The following DOCK3 variants were observed in gnomAD, a reference collection of about 807,000 sequenced individuals.
DOCK3 encodes dedicator of cytokinesis 3.
Under a neutral mutation model 265.6 loss-of-function variants are expected in DOCK3, and 60 were observed. The ratio of observed to expected loss-of-function variants is 0.23; its 90% CI spans 0.18 to 0.28. DOCK3 has a LOEUF of 0.28. DOCK3 is among the 10% of genes least tolerant of loss of function. The probability of loss-of-function intolerance (pLI) is 1.00; values close to 1 mark genes in which losing one functional copy is unlikely to be tolerated. For synonymous variants in DOCK3, 881 were observed against 938.0 expected (o/e 0.94, Z 1.11); for missense variants, 1,981 against 2,594.3 (o/e 0.76, Z 5.14).
chr3:51,249,882 G>C (rs1425212310), intron 22 of DOCK3, among the ~76,000 whole-genome samples: 1 of 148,138 alleles, frequency 6.8e-6, no homozygotes, highest in African/African-American at 2.5e-5. Flanking sequence ...TGCCGTGTCT[G>C]TGTAGAAAGA....
chr3:51,352,411 A>G (rs2086056012), intron 40 of DOCK3, among the ~76,000 whole-genome samples: 1 of 152,214 alleles, frequency 6.6e-6, no homozygotes, highest in Non-Finnish European at 1.5e-5. Flanking sequence ...CTCATGTCAC[A>G]GGACACATTA....
chr3:50,949,003 T>C, intron 5 of DOCK3, among the ~76,000 whole-genome samples: 1 of 152,130 alleles, frequency 6.6e-6, no homozygotes, highest in Non-Finnish European at 1.5e-5. Context: ...GAAAAGGAAG[T>C]CTTTTTAACA....
At chr3:51,349,841 G>T (rs2085856133) in intron 39 of DOCK3, among the ~76,000 whole-genome samples, 1 of 152,196 alleles carries the variant, frequency 6.6e-6, no homozygotes, top group South Asian at 2.1e-4. Flanking sequence ...ACAAGAGTTG[G>T]ACTGATGCAA....
chr3:50,953,993 C>T (rs1384723628), intron 5 of DOCK3, among the ~76,000 whole-genome samples: 2 of 151,976 alleles, frequency 1.3e-5, no homozygotes, highest in East Asian at 1.9e-4. Flanking sequence ...GTATTAAGTA[C>T]GTTCACATTG....
chr3:51,037,134 A>G (rs1402281895), intron 5 of DOCK3, among the ~76,000 whole-genome samples: 1 of 152,154 alleles, frequency 6.6e-6, no homozygotes, highest in Non-Finnish European at 1.5e-5. Flanking sequence ...TTTAAATGAT[A>G]AAATATACAT....
intron 4 of DOCK3, among the ~76,000 whole-genome samples, chr3:50,922,755 C>CTT (rs34981827): frequency 6.0e-4 from 85 of 141,100 alleles, no homozygotes; most frequent in South Asian, 3.0e-3. Flanking sequence ...TATTTTTAGT[C>CTT]TTTTTTTTTT....
intron 5 of DOCK3, among the ~76,000 whole-genome samples, chr3:50,952,982 G>A (rs2076632979): frequency 6.6e-6 from 1 of 152,012 alleles, no homozygotes; most frequent in African/African-American, 2.4e-5. Flanking sequence ...TAAGATTTTT[G>A]CTAATTGCTT....
intron 12 of DOCK3, among the ~76,000 whole-genome samples, chr3:51,183,425 TG>T (rs1560174181): frequency 6.7e-6 from 1 of 149,930 alleles, no homozygotes; most frequent in East Asian, 2.0e-4. Flanking sequence ...TGGTTGGGGG[TG>T]GGGGGAAGAG....
chr3:51,297,583 C>G (rs964629482), intron 27 of DOCK3, among the ~76,000 whole-genome samples: 4 of 152,044 alleles, frequency 2.6e-5, no homozygotes, highest in Non-Finnish European at 4.4e-5. Flanking sequence ...AAAAGATACT[C>G]CACATTATTA....
At chr3:51,364,956 GGCAAT>G (rs1442079354) in intron 49 of DOCK3, among the ~76,000 whole-genome samples, 3 of 152,158 alleles carry the variant, frequency 2.0e-5, no homozygotes, top group African/African-American at 7.2e-5. Context: ...GGATTGTCTT[GGCAAT>G]GCAGGCTCTT....
intron 1 of DOCK3, among the ~76,000 whole-genome samples, chr3:50,684,000 A>G (rs2034606132): frequency 6.6e-6 from 1 of 151,966 alleles, no homozygotes; most frequent in African/African-American, 2.4e-5. Flanking sequence ...TATGCTGGAC[A>G]ACTCACCCTT....
At chr3:51,208,368 A>G (rs550551574) in intron 12 of DOCK3, among the ~76,000 whole-genome samples, 2 of 152,338 alleles carry the variant, frequency 1.3e-5, no homozygotes, top group East Asian at 3.9e-4. Flanking sequence ...GTATGACAGT[A>G]AAAAACCAAT....
At chr3:50,757,257 G>A (rs996125481) in intron 1 of DOCK3, among the ~76,000 whole-genome samples, 5 of 132,458 alleles carry the variant, frequency 3.8e-5, no homozygotes, top group South Asian at 2.6e-4. Context: ...TGCAGCTTCC[G>A]CCTCCTGGGT....
At chr3:51,259,553 C>A (rs914212643) in intron 22 of DOCK3, among the ~76,000 whole-genome samples, 7 of 152,144 alleles carry the variant, frequency 4.6e-5, no homozygotes, top group Non-Finnish European at 7.3e-5. Flanking sequence ...TTATGAACTG[C>A]TTATAGCAGA....
intron 3 of DOCK3, among the ~76,000 whole-genome samples, chr3:50,851,177 A>T (rs913934055): frequency 6.6e-5 from 10 of 151,990 alleles, no homozygotes; most frequent in Non-Finnish European, 1.5e-4. Context: ...GGTGGCCTAA[A>T]CTCCTAATCC....
intron 38 of DOCK3, 57 bp from the exon 39 acceptor site, chr3:51,348,795 G>A (rs2085767831): frequency 1.3e-6 from 2 of 1,506,680 alleles, no homozygotes; most frequent in South Asian, 2.4e-5. Flanking sequence ...TGTTTAATGT[G>A]GGCTTAGGCT....
In DOCK3 at chr3:51,101,196, C is replaced by CT. The variant is rs530713003; in HGVS notation, c.746+10813dup. On this transcript the variant is annotated intron_variant, in intron 9 of 52. Transcript: ENST00000266037. ...ACTGCAGTGGCGCAATCTCGGCTCA[C>CT]TGCAAGCTCCGCTTCCCGGGTTCAC... Among the ~76,000 whole-genome samples, 77 of 149,786 alleles carry CT rather than the reference C, an allele frequency of 5.1e-4. 2 individuals are homozygous for CT. In the South Asian group the frequency reaches 0.016, roughly 31 times the overall value.
In DOCK3 at chr3:50,718,771, A is replaced by ATT. The variant is rs373965842; in HGVS notation, c.37+43501_37+43502dup. On this transcript the variant is annotated intron_variant, in intron 1 of 52. Coordinates refer to ENST00000266037, the MANE Select transcript of DOCK3 (RefSeq NM_004947.5). ...AATCTCCCTTCAAGTTTGTGGGTTG[A>ATT]TTTTTTTTTTTTTTTTTTTTTTTTT... Among the ~76,000 whole-genome samples the ATT allele has an allele frequency of 3.6e-4, 28 of 76,966 alleles. 1 individual carries two copies. The highest frequency in any genetic ancestry group is 5.6e-4 in the Non-Finnish European group (23 of 41,364). The allele number at this position is 76,966 out of a possible 152,430, so 50.5% of individuals were successfully genotyped here.
intron 32 of DOCK3, among the ~76,000 whole-genome samples, chr3:51,320,966 T>C (rs2083686096): frequency 6.6e-6 from 1 of 152,210 alleles, no homozygotes; most frequent in African/African-American, 2.4e-5. Flanking sequence ...ACCACAGTGT[T>C]TGAGCTCTGC....
Sources: gnomAD v4.1 joint callset for allele counts (sites outside exome capture counted in the v4.1 genomes callset) on GRCh38, gnomAD v4.1.1 for gene constraint, MANE v1.5 for transcripts, NCBI Gene and HGNC (gene_info 2026-07-23, HGNC 2026-07-21) for gene names.